GRIN2C: variants seen among roughly 807,000 people sequenced by gnomAD.
The protein encoded by GRIN2C is glutamate ionotropic receptor NMDA type subunit 2C.
A neutral mutation model predicts 77.7 loss-of-function variants in GRIN2C; 64 were observed. The observed-to-expected ratio is 0.82, with a 90% CI of 0.67 to 1.01. GRIN2C has a LOEUF of 1.01. GRIN2C is among the 50% of genes least tolerant of loss of function. The pLI is 0.00. For synonymous variants in GRIN2C, 792 were observed against 643.4 expected (o/e 1.23, Z -3.49); for missense variants, 1,549 against 1,486.0 (o/e 1.04, Z -0.70).
chr17:74,850,101 G>A lies in GRIN2C; in HGVS notation c.1491+105C>T, dbSNP rs1264277727. 16 of 1,395,230 alleles carry A rather than the reference G, an allele frequency of 1.1e-5. No individual in the cohort carries two copies. The highest frequency in any genetic ancestry group is 1.6e-5 in the Non-Finnish European group (16 of 1,003,942). The allele number at this position is 1,395,230 out of a possible 1,614,324, so 86.4% of individuals were successfully genotyped here. The stretch of plus-strand genomic sequence containing the variant: ...ACTGACCACCCCAGGAGTCATCATT[G>A]GTGACAGCCCATGCCCCCCTCTAGA... On this transcript the variant is annotated intron_variant, in intron 6 of 12. Transcript: ENST00000293190. The surrounding 1 kb of genome is among the most constrained non-coding windows in gnomAD (Gnocchi z 5.3).
Position 74,856,375 on chromosome 17 carries a change from C to T in GRIN2C, c.-15-1268G>A, listed in dbSNP as rs554404870. 1.4e-4 allele frequency among the ~76,000 whole-genome samples: 21 copies of T among 152,302 alleles called. No individual in the cohort carries two copies. The East Asian group carries it at 3.5e-3, about 25-fold the overall frequency. ...AAGCAGTTGCCAGAAACCACGCCTC[C>T]GAAAGACAGATGCCCTTCAGGGATG... On this transcript the variant is annotated intron_variant, in intron 1 of 12. Coordinates refer to ENST00000293190, the MANE Select transcript of GRIN2C (RefSeq NM_000835.6).
chr17:74,854,021 T>C (rs186517889), intron 2 of GRIN2C: 1 of 152,648 alleles, frequency 6.6e-6, no homozygotes, highest in African/African-American at 2.4e-5. Flanking sequence ...CTGAGCTCCT[T>C]CCTCGCCTTG....
chr17:74,855,215 G>A (rs2037787732), intron 1 of GRIN2C, 108 bp from the exon 2 acceptor site: 2 of 913,210 alleles, frequency 2.2e-6, no homozygotes, highest in African/African-American at 3.3e-5. Flanking sequence ...TGAAAGAGAA[G>A]AGGGGAAAAC....
rs947173495 is a variant in GRIN2C at position 74,852,345 on chromosome 17, G to C, written c.666C>G (p.Pro222=). The C allele has an allele frequency of 6.2e-6, 9 of 1,454,888 alleles. No individual in the cohort carries two copies. The highest frequency in any genetic ancestry group is 8.1e-6 in the Non-Finnish European group (9 of 1,110,834). The allele number at this position is 1,454,888 out of a possible 1,614,324, so 90.1% of individuals were successfully genotyped here. ...TQRLLRQLDA[P]VFVAYCSREE... is the part of the protein sequence containing the mutation. ...CGCGCGAGCAGTAGGCCACAAACACGGGCGCGTCGAGCTGGCGCAGCAGGC... is the reference window on the plus strand; with the variant it reads ...CGCGCGAGCAGTAGGCCACAAACACCGGCGCGTCGAGCTGGCGCAGCAGGC... Residue 222 remains proline (P), a synonymous_variant, in exon 3 of 13, where the codon CCC becomes CCG. Coordinates refer to ENST00000293190, the MANE Select transcript of GRIN2C (RefSeq NM_000835.6).
chr17:74,852,470 C>T lies in GRIN2C; in HGVS notation c.541G>A (p.Gly181Ser). 4.5e-6 allele frequency: 7 copies of T among 1,557,560 alleles called. No homozygotes were observed. Among genetic ancestry groups the T allele is most frequent in the South Asian group, 2.3e-5 (2 of 85,774 alleles). Residue 181 changes from glycine (G) to serine (S), a missense_variant, in exon 3 of 13, where the codon GGC becomes AGC. By Grantham distance (56) the Gly-to-Ser change is moderately conservative (BLOSUM62 0). This residue lies in a region of GRIN2C where 382 missense variants were observed against 360.0 expected (regional missense o/e 1.06). Transcript: ENST00000293190. Reference protein sequence around the residue: ...LHPGHALFLEGVRAVADASHV... With the variant: ...LHPGHALFLESVRAVADASHV... ...CTGGCGTCGGCGACGGCGCGCACGC[C>T]CTCCAGGAAGAGCGCGTGGCCCGGG...
rs2037898304 is a variant in GRIN2C, at chr17:74,859,368, T to C, written c.-16+376A>G. On this transcript the variant is annotated intron_variant, in intron 1 of 12. Coordinates refer to ENST00000293190, the MANE Select transcript of GRIN2C (RefSeq NM_000835.6). This position sits in a 1 kb window ranked among gnomAD's most constrained non-coding sequence, Gnocchi z 5.9. ...GTCCTCACAGCTCAGCCAGACCCCC[T>C]GGCACGGACCTGCACACACATGCAC... Among the ~76,000 whole-genome samples the C allele has an allele frequency of 6.6e-6, 1 of 152,084 alleles. No homozygotes were observed. The highest frequency in any genetic ancestry group is 6.6e-5 in the Admixed American group (1 of 15,264).
rs369969581 is a variant in GRIN2C at position 74,846,781 on chromosome 17, G to A, written c.2141C>T (p.Ala714Val). The change falls in exon 10 of 13, where the codon GCG becomes GTG. Residue 714 changes from alanine (A) to valine (V), a missense_variant. Physicochemically the swap from Ala to Val is moderately conservative, Grantham distance 64. This residue lies in a region of GRIN2C where 717 missense variants were observed against 858.1 expected (regional missense o/e 0.84). Coordinates refer to ENST00000293190, the MANE Select transcript of GRIN2C (RefSeq NM_000835.6). This position sits in a 1 kb window ranked among gnomAD's most constrained non-coding sequence, Gnocchi z 4.4. ...VKFNQRSVEDALTSLKMGKLD... is the reference protein window; with the variant it reads ...VKFNQRSVEDVLTSLKMGKLD... ...CCACCCCATCTTGAGGCTGGTGAGC[G>A]CGTCCTCCACCGAGCGCTGGTTGAA... 1.1e-5 allele frequency: 17 copies of A among 1,613,938 alleles called. No homozygotes were observed. The highest frequency in any genetic ancestry group is 2.2e-5 in the South Asian group (2 of 91,074).
chr17:74,851,861 G>A (rs974263704), intron 3 of GRIN2C, 152 bp downstream of exon 3: 4 of 702,278 alleles, frequency 5.7e-6, no homozygotes, highest in African/African-American at 3.6e-5. Flanking sequence ...TGTTTGTTCA[G>A]ATGAGGACAC....
upstream of GRIN2C, chr17:74,861,524 C>T (rs2144632465): frequency 6.6e-6 from 1 of 151,178 alleles, no homozygotes; most frequent in South Asian, 2.0e-4. Context: ...GGCTGGCGCG[C>T]TCAGTCTCAG....
Position 74,846,656 on chromosome 17 carries a change from G to A in GRIN2C, c.2162+104C>T. The A allele has an allele frequency of 3.2e-6, 4 of 1,247,592 alleles. No individual in the cohort carries two copies. The highest frequency in any genetic ancestry group is 4.5e-6 in the Non-Finnish European group (4 of 891,732). The allele number at this position is 1,247,592 out of a possible 1,614,324, so 77.3% of individuals were successfully genotyped here. On this transcript the variant is annotated intron_variant, in intron 10 of 12. Coordinates refer to ENST00000293190, the MANE Select transcript of GRIN2C (RefSeq NM_000835.6). The surrounding 1 kb of genome is among the most constrained non-coding windows in gnomAD (Gnocchi z 4.4). The stretch of plus-strand genomic sequence containing the variant: ...GACCTCTTCCCTCCACCCCACAGGA[G>A]TCCTGCAGGACAGCCCAGTCCCACT...
chr17:74,848,246 C>T (rs2037525055), intron 7 of GRIN2C, among the ~76,000 whole-genome samples: 1 of 152,106 alleles, frequency 6.6e-6, no homozygotes, highest in South Asian at 2.1e-4. Context: ...GTTCCTTTGA[C>T]TTCACAACCC....
chr17:74,855,627 C>A (rs1367925808), intron 1 of GRIN2C, among the ~76,000 whole-genome samples: 1 of 152,192 alleles, frequency 6.6e-6, no homozygotes, highest in Non-Finnish European at 1.5e-5. Context: ...GGATTAGTGA[C>A]CTCATCCCGC....
At chr17:74,844,071 G>C in intron 12 of GRIN2C, 2 of 1,037,478 alleles carry the variant, frequency 1.9e-6, no homozygotes, top group Non-Finnish European at 2.7e-6. Context: ...ATGGGTTTTC[G>C]CCATGTTGCC....
In GRIN2C at chr17:74,847,318, CTG is replaced by C; in HGVS notation, c.1989_1990del (p.Ser664Ter). On this transcript the variant is annotated frameshift_variant, in exon 9 of 13. Transcript: ENST00000293190. LOFTEE classifies it high-confidence loss of function. The surrounding 1 kb of genome is among the most constrained non-coding windows in gnomAD (Gnocchi z 5.2). ...CTATGGCCCCACAACCTTCTTGTCACTGAGGCCCGACACAGTGTCGATGTATT... is the reference window on the plus strand; with the variant it reads ...CTATGGCCCCACAACCTTCTTGTCACAGGCCCGACACAGTGTCGATGTATT... The C allele has an allele frequency of 6.8e-7, 1 of 1,461,316 alleles. No individual in the cohort carries two copies. The highest frequency in any genetic ancestry group is 1.1e-5 in the South Asian group (1 of 89,006). 90.5% of individuals were successfully genotyped at this position (1,461,316 alleles called of 1,614,324 possible).
chr17:74,855,194 CA>C, intron 1 of GRIN2C, 87 bp from the exon 2 acceptor site: 3 of 1,083,014 alleles, frequency 2.8e-6, no homozygotes, highest in Non-Finnish European at 3.9e-6. Flanking sequence ...GAGGGACACA[CA>C]TACGGAAGAT....
chr17:74,847,233 C>A lies in GRIN2C; in HGVS notation c.2001+75G>T. The A allele has an allele frequency of 8.6e-7, 1 of 1,160,616 alleles. No homozygotes were observed. Among genetic ancestry groups the A allele is most frequent in the Non-Finnish European group, 1.3e-6 (1 of 784,654 alleles). The allele number at this position is 1,160,616 out of a possible 1,614,324, so 71.9% of individuals were successfully genotyped here. A position where few individuals can be genotyped will look rare whatever the true frequency, so the allele number is the denominator to read the frequency against. ...GGTCAAATTCCCCAGACTCGACTGT[C>A]CAGGGCCTGCCCACTCACGGCCTGT... On this transcript the variant is annotated intron_variant, in intron 9 of 12. Coordinates refer to ENST00000293190, the MANE Select transcript of GRIN2C (RefSeq NM_000835.6). The surrounding 1 kb of genome is among the most constrained non-coding windows in gnomAD (Gnocchi z 5.2).
In GRIN2C at chr17:74,854,841, G is replaced by T; in HGVS notation, c.252C>A (p.Leu84=). The T allele has an allele frequency of 6.2e-7, 1 of 1,613,952 alleles. No homozygotes were observed. The highest frequency in any genetic ancestry group is 1.3e-5 in the African/African-American group (1 of 75,062). ...TGCCGTGGACGTGGGCAGCACCCAG[G>T]AGGCCGCAGATCTGGGTGAGGAGGC... ...PSSLLTQICG[L]LGAAHVHGIV... The change falls in exon 2 of 13, where the codon CTC becomes CTA. Residue 84 remains leucine (L), a synonymous_variant. Coordinates refer to ENST00000293190, the MANE Select transcript of GRIN2C (RefSeq NM_000835.6).
chr17:74,859,970 C>A (rs1418663646), upstream of GRIN2C: 1 of 152,456 alleles, frequency 6.6e-6, no homozygotes, highest in African/African-American at 2.4e-5. The surrounding 1 kb of genome is among the most constrained non-coding windows in gnomAD (Gnocchi z 5.9). Flanking sequence ...GCACCCGGCG[C>A]CCCCCGCCCC....
At chr17:74,860,427 C>T (rs1019268615), upstream of GRIN2C, 30 of 456,610 alleles carry the variant, frequency 6.6e-5, no homozygotes, top group African/African-American at 5.8e-4. Context: ...CAGGGCCTGG[C>T]GGGAATTCCC....
Sources: gnomAD v4.1 joint callset for allele counts (sites outside exome capture counted in the v4.1 genomes callset) on GRCh38, gnomAD v4.1.1 for gene constraint, gnomAD v4.1.1 regional missense constraint, Gnocchi (gnomAD v3.1) non-coding constraint, MANE v1.5 for transcripts, NCBI Gene and HGNC (gene_info 2026-07-23, HGNC 2026-07-21) for gene names.